Variants in MED12 observed in about 807,000 individuals in gnomAD.
MED12 encodes the protein mediator complex subunit 12, also known as mediator of RNA polymerase II transcription subunit 12.
MED12 carries 10 observed loss-of-function variants against 177.7 expected under a neutral mutation model. That is an observed-to-expected ratio of 0.06 (90% CI 0.03 to 0.10). The LOEUF is 0.10. Among genes scored for constraint, MED12 ranks in the 10% least tolerant of loss-of-function variants. The probability of loss-of-function intolerance (pLI) is 1.00; values close to 1 mark genes in which losing one functional copy is unlikely to be tolerated. For synonymous variants in MED12, 641 were observed against 678.4 expected (o/e 0.94, Z 0.86); for missense variants, 867 against 1,780.8 (o/e 0.49, Z 9.23).
intron 22 of MED12, 73 bp downstream of exon 22, chrX:71,128,193 G>C: frequency 8.4e-7 from 1 of 1,191,795 alleles, no homozygotes; most frequent in Non-Finnish European, 1.1e-6. Context: ...TACCCGGGAG[G>C]TACTACAACC....
At chrX:71,132,788 CTCTTCTCTTCTCTTCTCTTCTCTTCTCTT>C (rs2092321634) in intron 31 of MED12, 28 bp from the exon 32 acceptor site, 1 of 374,408 alleles carries the variant, frequency 2.7e-6, no homozygotes, top group African/African-American at 3.9e-5. Context: ...CTCTTCTCTT[CTCTTCTCTTCTCTTCTCTTCTCTTCTCTT>C]CTCTTCTCTT....
chrX:71,120,231 TTGGAACC>T, intron 4 of MED12, 61 bp downstream of exon 4: 2 of 1,091,553 alleles, frequency 1.8e-6, no homozygotes, highest in Non-Finnish European at 2.5e-6. Context: ...AGAGACACCC[TTGGAACC>T]ATCCTCCTTC....
chrX:71,118,898 T>C (rs2092281838), intron 1 of MED12, 45 bp downstream of exon 1: 2 of 1,119,109 alleles, frequency 1.8e-6, no homozygotes, highest in East Asian at 6.1e-5. Flanking sequence ...GGGCACGCGG[T>C]CAGCCTAGGA....
intron 41 of MED12, 139 bp downstream of exon 41, chrX:71,138,082 C>G: frequency 1.7e-6 from 1 of 598,654 alleles, no homozygotes; most frequent in Non-Finnish European, 2.8e-6. Flanking sequence ...CCACATAGCC[C>G]ATAACCACAG....
In MED12 at chrX:71,122,268, C is replaced by T. The variant is rs772236514; in HGVS notation, c.1170C>T (p.Thr390=). 2.9e-5 allele frequency: 35 copies of T among 1,209,641 alleles called. No homozygotes were observed. In the East Asian group the frequency reaches 8.6e-4, roughly 30 times the overall value. ...CACTGACTGATAGCAGAATTAAGACCGGCTCACCACTTGACCACTTGCCTA... is the reference window on the plus strand; with the variant it reads ...CACTGACTGATAGCAGAATTAAGACTGGCTCACCACTTGACCACTTGCCTA... ...HYSLTDSRIK[T]GSPLDHLPIA... is the part of the protein sequence containing the mutation. Residue 390 remains threonine, a synonymous_variant, in exon 8 of 45, where the codon ACC becomes ACT. Transcript: ENST00000374080.
At chrX:71,122,402 C>T (rs955576258) in intron 8 of MED12, 56 bp downstream of exon 8, 1 of 1,194,569 alleles carries the variant, frequency 8.4e-7, no homozygotes, top group African/African-American at 1.8e-5. Context: ...CTAAATTACT[C>T]TTTCAGAAGT....
intron 41 of MED12, 30 bp from the exon 42 acceptor site, chrX:71,140,605 C>T (rs1371321633): frequency 1.7e-6 from 2 of 1,211,267 alleles, no homozygotes; most frequent in Non-Finnish European, 2.2e-6. Context: ...CTCCCTCATG[C>T]CTTGACCTCT....
Position 71,118,692 on chromosome X carries a change from C to T in MED12, c.-63C>T, listed in dbSNP as rs2092281114. 8 of 1,092,031 alleles carry T rather than the reference C, an allele frequency of 7.3e-6. No individual in the cohort carries two copies. The highest frequency in any genetic ancestry group is 6.4e-5 in the East Asian group (2 of 31,050). The allele number at this position is 1,092,031 out of a possible 1,213,427, so 90.0% of individuals were successfully genotyped here. A position where few individuals can be genotyped will look rare whatever the true frequency, so the allele number is the denominator to read the frequency against. On this transcript the variant is annotated 5_prime_UTR_variant, in exon 1 of 45. Coordinates refer to ENST00000374080, the MANE Select transcript of MED12 (RefSeq NM_005120.3). ...CGCCCCCCTTTTCGGCTCCCTCTCC[C>T]CCTTCCCGTTCCCCCAGTCAGCCTG...
intron 33 of MED12, among the ~76,000 whole-genome samples, chrX:71,133,934 C>T (rs757003912): frequency 3.6e-4 from 40 of 111,000 alleles, no homozygotes; most frequent in African/African-American, 1.2e-3. Flanking sequence ...AAATCATAGG[C>T]TCAACTCAAG....
At chrX:71,125,905 C>T in intron 17 of MED12, 131 bp from the exon 18 acceptor site, 2 of 552,116 alleles carry the variant, frequency 3.6e-6, no homozygotes, top group Middle Eastern at 4.1e-4. Context: ...CCTCTTCCTT[C>T]CTTCCCTCCC....
chrX:71,132,822 T>G (rs1295996161), intron 31 of MED12, 23 bp from the exon 32 acceptor site: 4 of 960,071 alleles, frequency 4.2e-6, no homozygotes, highest in Non-Finnish European at 5.8e-6. Context: ...TCTCTTCTCT[T>G]CTCTTCTTTC....
In MED12 at chrX:71,121,019, T is replaced by C. The variant is rs776982089; in HGVS notation, c.602T>C (p.Met201Thr). 9.1e-6 allele frequency: 11 copies of C among 1,211,834 alleles called. No individual in the cohort carries two copies. Among genetic ancestry groups the C allele is most frequent in the Non-Finnish European group, 1.1e-5 (10 of 895,422 alleles). ...TACTTATGGGAGCAGTTACAGAAGA[T>C]GGCTGAATACTACCGGCCAGGGCCT... ...TKYLWEQLQK[M>T]AEYYRPGPAG... is the part of the protein sequence containing the mutation. Residue 201 changes from methionine (M) to threonine (T), a missense_variant, in exon 5 of 45, where the codon ATG becomes ACG. Coordinates refer to ENST00000374080, the MANE Select transcript of MED12 (RefSeq NM_005120.3).
chrX:71,130,007 C>T, intron 27 of MED12, 28 bp from the exon 28 acceptor site: 1 of 1,201,623 alleles, frequency 8.3e-7, no homozygotes, highest in South Asian at 1.8e-5. Flanking sequence ...ACTGGTTGTT[C>T]CCAGTCCCTG....
At chrX:71,124,551 C>T (rs1265870735) in intron 13 of MED12, among the ~76,000 whole-genome samples, 163 bp downstream of exon 13, 1 of 111,650 alleles carries the variant, frequency 9.0e-6, no homozygotes, top group Non-Finnish European at 1.9e-5. Context: ...TTCATTGGTT[C>T]CTCCCATCAG....
At position 71,126,986 on chromosome X, in the gene MED12, T is replaced by C. The variant is rs1338626998; in HGVS notation, c.2703T>C (p.Ser901=). The change falls in exon 20 of 45, where the codon AGT becomes AGC. Residue 901 remains serine, a synonymous_variant. Coordinates refer to ENST00000374080, the MANE Select transcript of MED12 (RefSeq NM_005120.3). ...TCTGCTAGCTGCTGAATGAACTGAGTGTAGTTGAGGCTGAGCTGCTTCTCA... is the reference window on the plus strand; with the variant it reads ...TCTGCTAGCTGCTGAATGAACTGAGCGTAGTTGAGGCTGAGCTGCTTCTCA... The part of the protein sequence containing the change: ...DFAIQLLNEL[S]VVEAELLLKS... 8.3e-7 allele frequency: 1 copy of C among 1,210,904 alleles called. No individual in the cohort carries two copies. Among genetic ancestry groups the C allele is most frequent in the Non-Finnish European group, 1.1e-6 (1 of 894,694 alleles).
At position 71,124,983 on chromosome X, in the gene MED12, C is replaced by T; in HGVS notation, c.2063C>T (p.Ser688Phe). The change falls in exon 15 of 45, where the codon TCC becomes TTC. Residue 688 changes from serine to phenylalanine, a missense_variant. Physicochemically the swap from Ser to Phe is radical, Grantham distance 155. Coordinates refer to ENST00000374080, the MANE Select transcript of MED12 (RefSeq NM_005120.3). ...TTCTCACCTTTCTCTCAGTTGTTCTCCCCTACTATGCCCTGTGAGGGGAAG... is the reference window on the plus strand; with the variant it reads ...TTCTCACCTTTCTCTCAGTTGTTCTTCCCTACTATGCCCTGTGAGGGGAAG... ...DMEKPDFSLF[S>F]PTMPCEGKGS... is the part of the protein sequence containing the mutation. The T allele has an allele frequency of 8.3e-7, 1 of 1,210,938 alleles. No homozygotes were observed. The highest frequency in any genetic ancestry group is 1.1e-6 in the Non-Finnish European group (1 of 895,228).
In MED12 at chrX:71,122,186, T is replaced by C; in HGVS notation, c.1102-14T>C. The C allele has an allele frequency of 9.9e-6, 12 of 1,211,533 alleles. No homozygotes were observed. The highest frequency in any genetic ancestry group is 1.2e-5 in the Non-Finnish European group (11 of 895,242). On this transcript the variant is annotated splice_polypyrimidine_tract_variant and intron_variant, in intron 7 of 44. Transcript: ENST00000374080. ...ATGGTGAATGAGTTGGACTTAGCTG[T>C]TTCTATCTGGTAGACCATCCTCCTG... is the stretch of plus-strand genomic sequence containing the variant.
intron 28 of MED12, among the ~76,000 whole-genome samples, chrX:71,131,152 G>T (rs1201301188): frequency 6.1e-5 from 6 of 97,878 alleles, no homozygotes; most frequent in Non-Finnish European, 4.0e-5. Context: ...TTTTGAGACG[G>T]AGTCTCGCTC....
chrX:71,128,472 G>A (rs2147803051), intron 23 of MED12, 32 bp downstream of exon 23: 1 of 1,210,499 alleles, frequency 8.3e-7, no homozygotes, highest in East Asian at 3.0e-5. Context: ...TGCTAGTGGG[G>A]CAGTGACCAG....
Sources: allele counts gnomAD v4.1 joint callset (sites outside exome capture counted in the v4.1 genomes callset), GRCh38; gene constraint gnomAD v4.1.1; transcripts MANE v1.5; gene names NCBI Gene and HGNC (gene_info 2026-07-23, HGNC 2026-07-21).